RNF150: variants seen among roughly 807,000 people sequenced by gnomAD.
RNF150 encodes ring finger protein 150.
A neutral mutation model predicts 39.3 loss-of-function variants in RNF150; 24 were observed. The ratio of observed to expected loss-of-function variants is 0.61; its 90% confidence interval spans 0.44 to 0.86. The LOEUF is 0.86. Ranked by LOEUF, RNF150 falls within the 40% of genes least tolerant of loss-of-function variation. The pLI is 0.00. For synonymous variants in RNF150, 255 were observed against 227.3 expected (o/e 1.12, Z -1.10); for missense variants, 502 against 587.8 (o/e 0.85, Z 1.51).
intron 1 of RNF150, among the ~76,000 whole-genome samples, chr4:141,013,975 C>T (rs1013677747): frequency 6.6e-6 from 1 of 152,080 alleles, no homozygotes; most frequent in African/African-American, 2.4e-5. Context: ...AACAACTCCC[C>T]ATTCCCTCCC....
At chr4:141,208,151 C>T (rs573446070) in intron 1 of RNF150, among the ~76,000 whole-genome samples, 7 of 152,324 alleles carry the variant, frequency 4.6e-5, no homozygotes, top group Non-Finnish European at 1.0e-4. Context: ...CCTTGCCCTG[C>T]GGGAAGAAGA....
At chr4:141,036,634 G>A (rs1466421416) in intron 1 of RNF150, among the ~76,000 whole-genome samples, 2 of 152,168 alleles carry the variant, frequency 1.3e-5, no homozygotes, top group African/African-American at 4.8e-5. Flanking sequence ...GTACGCCAAA[G>A]CATCAGTGGG....
At chr4:140,886,577 C>T (rs1227921994) in intron 6 of RNF150, among the ~76,000 whole-genome samples, 12 of 152,142 alleles carry the variant, frequency 7.9e-5, no homozygotes, top group Admixed American at 7.9e-4. Context: ...CAGCTTGAGG[C>T]CTGACTTTTC....
At chr4:141,149,664 A>AT (rs1286250792) in intron 1 of RNF150, among the ~76,000 whole-genome samples, 3 of 152,080 alleles carry the variant, frequency 2.0e-5, no homozygotes, top group African/African-American at 7.2e-5. Flanking sequence ...CTCATTCCAT[A>AT]TTTTTTGCAA....
intron 1 of RNF150, among the ~76,000 whole-genome samples, chr4:141,093,634 T>C (rs1046977883): frequency 6.6e-5 from 10 of 152,116 alleles, no homozygotes; most frequent in Admixed American, 4.6e-4. Context: ...TTTAAAGTGG[T>C]CCTGGGTAGT....
chr4:141,062,043 T>C (rs4395589), intron 1 of RNF150, among the ~76,000 whole-genome samples: 72,062 of 151,904 alleles, frequency 0.47, 18,772 homozygotes, highest in Non-Finnish European at 0.6. Flanking sequence ...CCCAAACAAC[T>C]TGTAACTGAG....
chr4:141,086,257 T>G (rs563261753), intron 1 of RNF150, among the ~76,000 whole-genome samples: 3 of 152,318 alleles, frequency 2.0e-5, no homozygotes, highest in South Asian at 2.1e-4. Context: ...TTATCTCTGA[T>G]GAAGGTGTGC....
In RNF150 at chr4:140,860,613, T is replaced by C. The variant is rs1005664537; in HGVS notation, c.*7648A>G. Reference sequence around the variant, plus strand: ...CAACAAAAGCATTTTGTTGCAAGCATTTGTTTACAATAAAAGTAATTTGTG... The same window carrying C: ...CAACAAAAGCATTTTGTTGCAAGCACTTGTTTACAATAAAAGTAATTTGTG... On this transcript the variant is annotated 3_prime_UTR_variant, in exon 7 of 7. Coordinates refer to ENST00000515673, the MANE Select transcript of RNF150 (RefSeq NM_020724.2). 2.0e-5 allele frequency: 3 copies of C among 152,192 alleles called. No individual in the cohort carries two copies. The highest frequency in any genetic ancestry group is 7.2e-5 in the African/African-American group (3 of 41,448). 9.4% of individuals were successfully genotyped at this position (152,192 alleles called of 1,614,324 possible).
At chr4:140,979,670 G>A (rs1329063082) in intron 1 of RNF150, among the ~76,000 whole-genome samples, 1 of 151,906 alleles carries the variant, frequency 6.6e-6, no homozygotes, top group Non-Finnish European at 1.5e-5. Context: ...CTGGGGTCCA[G>A]GGACAAGGAT....
intron 1 of RNF150, among the ~76,000 whole-genome samples, chr4:141,035,265 T>C (rs141071403): frequency 5.0e-4 from 76 of 152,298 alleles, no homozygotes; most frequent in African/African-American, 1.8e-3. Context: ...TGAAGTTACA[T>C]TTGTTCATAT....
intron 1 of RNF150, among the ~76,000 whole-genome samples, chr4:141,104,363 T>C (rs1739127185): frequency 6.6e-6 from 1 of 152,210 alleles, no homozygotes; most frequent in South Asian, 2.1e-4. Flanking sequence ...CAGAAACCTT[T>C]TTCTTTCATC....
chr4:140,885,108 A>G (rs1396328107), intron 6 of RNF150, among the ~76,000 whole-genome samples: 1 of 152,004 alleles, frequency 6.6e-6, no homozygotes, highest in Non-Finnish European at 1.5e-5. Context: ...TGTCACTTCC[A>G]AACAGTTTTT....
At chr4:140,928,498 A>G (rs1323522940) in intron 4 of RNF150, among the ~76,000 whole-genome samples, 2 of 152,196 alleles carry the variant, frequency 1.3e-5, no homozygotes, top group Non-Finnish European at 2.9e-5. Context: ...TGCACTTCCA[A>G]AAAGCAATTT....
intron 2 of RNF150, among the ~76,000 whole-genome samples, chr4:140,951,061 C>T (rs1434891895): frequency 6.6e-6 from 1 of 152,152 alleles, no homozygotes; most frequent in African/African-American, 2.4e-5. Context: ...TCCTCTTCTT[C>T]TGGTTATTAT....
intron 5 of RNF150, 103 bp from the exon 6 acceptor site, chr4:140,911,457 T>A: frequency 3.3e-6 from 3 of 901,884 alleles, no homozygotes; most frequent in Non-Finnish European, 5.0e-6. Context: ...TTAAGTTCTT[T>A]ATTGTTTACT....
rs1728416560 is a variant in RNF150, at chr4:140,859,941, A to G, written c.*8320T>C. 1 of 152,148 alleles carries G rather than the reference A, an allele frequency of 6.6e-6. No homozygotes were observed. 9.4% of individuals were successfully genotyped at this position (152,148 alleles called of 1,614,324 possible). Reference sequence around the variant, plus strand: ...AGCCAGTACGTAAGAACACGATTGCACTTATTTACATGATAGTCTTCTATA... The same window carrying G: ...AGCCAGTACGTAAGAACACGATTGCGCTTATTTACATGATAGTCTTCTATA... On this transcript the variant is annotated 3_prime_UTR_variant, in exon 7 of 7. Transcript: ENST00000515673.
chr4:140,954,605 A>T (rs751053255), intron 2 of RNF150, among the ~76,000 whole-genome samples: 4 of 152,214 alleles, frequency 2.6e-5, no homozygotes, highest in Non-Finnish European at 5.9e-5. Flanking sequence ...TATATTTACC[A>T]AGGTTACTGG....
intron 2 of RNF150, among the ~76,000 whole-genome samples, chr4:140,958,261 A>G (rs1387903465): frequency 1.3e-5 from 2 of 152,072 alleles, no homozygotes; most frequent in East Asian, 3.9e-4. Flanking sequence ...TGCTGGACCA[A>G]TTCCTCATGG....
rs549207712 is a variant in RNF150 at position 140,963,438 on chromosome 4, G to A, written c.735+4185C>T. ...GCCATATGGTGGCCACATGAAATAT[G>A]GCTAGTAACTGAGGAACAGAATTTT... On this transcript the variant is annotated intron_variant, in intron 2 of 6. Coordinates refer to ENST00000515673, the MANE Select transcript of RNF150 (RefSeq NM_020724.2). Among the ~76,000 whole-genome samples, 705 of 152,102 alleles carry A rather than the reference G, an allele frequency of 4.6e-3. 5 individuals are homozygous for A. Among genetic ancestry groups the A allele is most frequent in the Non-Finnish European group, 8.3e-3 (564 of 67,964 alleles).
Sources: allele counts gnomAD v4.1 joint callset (sites outside exome capture counted in the v4.1 genomes callset), GRCh38; gene constraint gnomAD v4.1.1; transcripts MANE v1.5; gene names NCBI Gene and HGNC (gene_info 2026-07-23, HGNC 2026-07-21).